Variants in SBF2 observed in about 807,000 individuals in gnomAD.
SBF2 encodes SET binding factor 2, also known as myotubularin-related protein 13.
SBF2 carries 112 observed loss-of-function variants against 225.2 expected under a neutral mutation model. That is an observed-to-expected ratio of 0.50 (90% CI 0.43 to 0.58). The LOEUF is 0.58. Ranked by LOEUF, SBF2 falls within the 20% of genes least tolerant of loss-of-function variation. SBF2 has a pLI of 0.00. For missense variants in SBF2, 1,996 were observed against 2,206.2 expected (o/e 0.90, Z 1.91); for synonymous variants, 763 against 773.3 (o/e 0.99, Z 0.22).
intron 6 of SBF2, among the ~76,000 whole-genome samples, chr11:10,003,372 C>CTTTTTTT: frequency 7.2e-6 from 1 of 138,764 alleles, no homozygotes; most frequent in Non-Finnish European, 1.6e-5. Flanking sequence ...TTTCTTTTTT[C>CTTTTTTT]TTTTTTTTTT....
chr11:9,998,118 A>G, intron 9 of SBF2, 148 bp downstream of exon 9: 1 of 618,622 alleles, frequency 1.6e-6, no homozygotes, highest in East Asian at 2.7e-5. Context: ...AGAATTCTAA[A>G]TACTGTATGA....
intron 2 of SBF2, among the ~76,000 whole-genome samples, chr11:10,113,801 A>T (rs1379827725): frequency 9.8e-6 from 1 of 102,408 alleles, no homozygotes; most frequent in Admixed American, 1.0e-4. Flanking sequence ...TGCAGTTTAA[A>T]AAAAAAAAAA....
intron 2 of SBF2, among the ~76,000 whole-genome samples, chr11:10,090,444 T>C (rs12421096): frequency 0.21 from 31,543 of 152,072 alleles, 4,011 homozygotes; most frequent in Non-Finnish European, 0.3. Context: ...CTTATAGATA[T>C]AACTTTACCG....
At chr11:10,085,055 C>T (rs918463168) in intron 2 of SBF2, among the ~76,000 whole-genome samples, 3 of 152,154 alleles carry the variant, frequency 2.0e-5, no homozygotes, top group East Asian at 1.9e-4. Context: ...ATAATAAAAT[C>T]GCACATGCAT....
At position 9,989,497 on chromosome 11, in the gene SBF2, A is replaced by AT; in HGVS notation, c.1394dup (p.Asn465LysfsTer2). ...TGTCTAAATAAATATACTTACTTACATTTTTGAATAGTTGCTCAGCAAGTT... is the reference window on the plus strand; with the variant it reads ...TGTCTAAATAAATATACTTACTTACATTTTTTGAATAGTTGCTCAGCAAGTT... On this transcript the variant is annotated frameshift_variant and splice_region_variant, in exon 13 of 40. Coordinates refer to ENST00000256190, the MANE Select transcript of SBF2 (RefSeq NM_030962.4). LOFTEE classifies it high-confidence loss of function. 1.9e-6 allele frequency: 3 copies of AT among 1,550,102 alleles called. No individual in the cohort carries two copies. Among genetic ancestry groups the AT allele is most frequent in the Non-Finnish European group, 2.7e-6 (3 of 1,124,526 alleles).
At chr11:9,900,678 T>A (rs1028942372) in intron 16 of SBF2, among the ~76,000 whole-genome samples, 2 of 152,180 alleles carry the variant, frequency 1.3e-5, no homozygotes, top group African/African-American at 4.8e-5. Flanking sequence ...AATTTTATAT[T>A]TGAGTGCTAT....
At chr11:9,885,791 A>G (rs1360071854) in intron 17 of SBF2, among the ~76,000 whole-genome samples, 1 of 152,080 alleles carries the variant, frequency 6.6e-6, no homozygotes. Context: ...GAATTATTTG[A>G]TGGTCCTGGA....
intron 32 of SBF2, among the ~76,000 whole-genome samples, chr11:9,800,671 T>C (rs1055687065): frequency 6.6e-6 from 1 of 152,132 alleles, no homozygotes; most frequent in Admixed American, 6.5e-5. Flanking sequence ...CTTCCCAAAG[T>C]GCTGGGATTA....
intron 2 of SBF2, among the ~76,000 whole-genome samples, chr11:10,147,340 T>C (rs552000712): frequency 1.3e-5 from 2 of 152,320 alleles, no homozygotes; most frequent in African/African-American, 4.8e-5. Context: ...AATGGTAGAC[T>C]GGATACAGAA....
intron 28 of SBF2, among the ~76,000 whole-genome samples, chr11:9,827,200 C>T (rs1009022334): frequency 5.3e-5 from 8 of 152,052 alleles, no homozygotes; most frequent in African/African-American, 1.9e-4. Context: ...GTCTAAGATT[C>T]TGTGACTCCA....
chr11:10,224,724 TAC>T (rs746872225), intron 1 of SBF2, among the ~76,000 whole-genome samples: 14 of 152,172 alleles, frequency 9.2e-5, no homozygotes, highest in Non-Finnish European at 1.5e-4. Flanking sequence ...CTCTTCAGAG[TAC>T]CTACCCTGAC....
intron 2 of SBF2, among the ~76,000 whole-genome samples, chr11:10,074,071 A>G (rs1383454938): frequency 1.3e-5 from 2 of 152,196 alleles, no homozygotes; most frequent in African/African-American, 4.8e-5. Flanking sequence ...AATTAATACA[A>G]TATTTGTAGT....
intron 1 of SBF2, among the ~76,000 whole-genome samples, chr11:10,246,832 T>C (rs377282214): frequency 6.6e-6 from 1 of 152,146 alleles, no homozygotes; most frequent in African/African-American, 2.4e-5. Flanking sequence ...CTCACCACTT[T>C]GGGAGGTCGA....
intron 1 of SBF2, among the ~76,000 whole-genome samples, chr11:10,292,073 G>A (rs762995441): frequency 1.3e-5 from 2 of 152,202 alleles, no homozygotes; most frequent in Non-Finnish European, 2.9e-5. Flanking sequence ...TCCAGATTGA[G>A]GGAGACAAAA....
rs138684073 is a variant in SBF2, at chr11:10,266,678, G to A, written c.55+27337C>T. On this transcript the variant is annotated intron_variant, in intron 1 of 39. Transcript: ENST00000256190. ...TTAGTTATTTCCTAACAGCTATGAT[G>A]ATGATGACAGTGATGATGATGGTGA... Among the ~76,000 whole-genome samples the A allele has an allele frequency of 2.0e-4, 31 of 152,330 alleles. 1 individual carries two copies. Among genetic ancestry groups the A allele is most frequent in the African/African-American group, 6.7e-4 (28 of 41,584 alleles).
chr11:9,984,896 T>C (rs545772152), intron 13 of SBF2, among the ~76,000 whole-genome samples: 278 of 152,238 alleles, frequency 1.8e-3, no homozygotes, highest in African/African-American at 6.2e-3. Context: ...GAATTTGCCA[T>C]TACCAAACCA....
intron 2 of SBF2, among the ~76,000 whole-genome samples, chr11:10,167,938 A>G (rs1198646774): frequency 6.6e-6 from 1 of 152,232 alleles, no homozygotes; most frequent in Non-Finnish European, 1.5e-5. Flanking sequence ...GAATCACTTG[A>G]GTCCCGGAGG....
rs754241592 is a variant in SBF2 at position 9,847,077 on chromosome 11, T to C, written c.2813A>G (p.Glu938Gly). 29 of 1,613,654 alleles carry C rather than the reference T, an allele frequency of 1.8e-5. No homozygotes were observed. In the East Asian group the frequency reaches 6.0e-4, roughly 33 times the overall value. The change falls in exon 23 of 40, where the codon GAG (glutamate) becomes GGG (glycine). Residue 938 changes from glutamate to glycine, a missense_variant. Coordinates refer to ENST00000256190, the MANE Select transcript of SBF2 (RefSeq NM_030962.4). ...RGTPHDQLVG[E>G]QTVVRSFPIA... ...GGGAAAGCTCCGCACAACTGTCTGC[T>C]CACCCACTGTAAATAGACAGGACAC...
intron 9 of SBF2, among the ~76,000 whole-genome samples, chr11:9,994,402 G>A (rs1458129982): frequency 6.0e-5 from 9 of 151,164 alleles, no homozygotes; most frequent in Admixed American, 2.6e-4. Flanking sequence ...GTGAACCCGG[G>A]AGGCGGAGCT....
Sources: allele counts gnomAD v4.1 joint callset (sites outside exome capture counted in the v4.1 genomes callset), GRCh38; gene constraint gnomAD v4.1.1; transcripts MANE v1.5; gene names NCBI Gene and HGNC (gene_info 2026-07-23, HGNC 2026-07-21).